Variants in ANO2 observed in about 807,000 individuals in gnomAD.
The protein encoded by ANO2 is anoctamin 2.
ANO2 carries 101 observed loss-of-function variants against 124.2 expected under a neutral mutation model. That is an observed-to-expected ratio of 0.81 (90% CI 0.69 to 0.96). The LOEUF is 0.96. Ranked by LOEUF, ANO2 falls within the 40% of genes least tolerant of loss-of-function variation. The pLI is 0.00. For missense variants in ANO2, 1,293 were observed against 1,274.5 expected, an observed-to-expected ratio of 1.01 and a Z score of -0.22; for synonymous variants, 486 against 482.5, an observed-to-expected ratio of 1.01 and a Z score of -0.09.
chr12:5,761,445 G>C (rs1951743063), intron 10 of ANO2, among the ~76,000 whole-genome samples: 1 of 152,026 alleles, frequency 6.6e-6, no homozygotes. Flanking sequence ...AAAAAAATTG[G>C]CCATCTAAGC....
chr12:5,677,955 A>G (rs1948326983), intron 14 of ANO2, among the ~76,000 whole-genome samples: 1 of 152,100 alleles, frequency 6.6e-6, no homozygotes, highest in Non-Finnish European at 1.5e-5. Context: ...GGTTGTGAAA[A>G]CAAACCTGCA....
chr12:5,905,654 G>A (rs1192346260), intron 3 of ANO2, among the ~76,000 whole-genome samples: 1 of 152,132 alleles, frequency 6.6e-6, no homozygotes, highest in Non-Finnish European at 1.5e-5. Context: ...TTTTTCTGAA[G>A]AGCCCATGAC....
chr12:5,754,648 T>C (rs1470485676), intron 10 of ANO2, among the ~76,000 whole-genome samples: 3 of 152,186 alleles, frequency 2.0e-5, no homozygotes, highest in African/African-American at 7.2e-5. Flanking sequence ...AGGCTTCCTA[T>C]TTATCCTTGA....
chr12:5,747,839 T>C (rs917636816), intron 11 of ANO2, among the ~76,000 whole-genome samples: 2 of 152,228 alleles, frequency 1.3e-5, no homozygotes, highest in Non-Finnish European at 2.9e-5. Context: ...CAGTGGTTGT[T>C]GTCATATCCA....
intron 14 of ANO2, among the ~76,000 whole-genome samples, chr12:5,698,780 C>T (rs1431437121): frequency 1.3e-4 from 20 of 152,130 alleles, no homozygotes; most frequent in Non-Finnish European, 2.2e-4. Context: ...AACCATGGCA[C>T]GAGAACTATG....
rs1446995754 is a variant in ANO2 at position 5,832,548 on chromosome 12, T to C, written c.689A>G (p.Gln230Arg). The change falls in exon 5 of 25, where the codon CAG (glutamine) becomes CGG (arginine). Residue 230 changes from glutamine to arginine, a missense_variant. Transcript: ENST00000682330. Reference protein sequence around the residue: ...SIAKKFSAALQKLSSHLQPRV... With the variant: ...SIAKKFSAALRKLSSHLQPRV... Reference sequence around the variant, plus strand: ...GGGCTGCAGGTGCGAGCTCAGCTTCTGCAGAGCCGCGCTGAACTTCTTTGC... The same window carrying C: ...GGGCTGCAGGTGCGAGCTCAGCTTCCGCAGAGCCGCGCTGAACTTCTTTGC... 6.2e-7 allele frequency: 1 copy of C among 1,613,890 alleles called. No individual in the cohort carries two copies. Among genetic ancestry groups the C allele is most frequent in the African/African-American group, 1.3e-5 (1 of 74,936 alleles).
intron 20 of ANO2, among the ~76,000 whole-genome samples, chr12:5,585,718 C>T (rs914782636): frequency 3.3e-5 from 5 of 152,200 alleles, no homozygotes; most frequent in Admixed American, 1.3e-4. Flanking sequence ...TCCCTCCATC[C>T]TCTCATTTGG....
intron 16 of ANO2, among the ~76,000 whole-genome samples, chr12:5,618,671 T>C (rs1261274877): frequency 6.6e-6 from 1 of 152,198 alleles, no homozygotes; most frequent in Non-Finnish European, 1.5e-5. Context: ...CCTCCCCACT[T>C]TCCACTCCCA....
chr12:5,595,125 CTCAT>C (rs1943593595), intron 20 of ANO2, among the ~76,000 whole-genome samples: 1 of 152,220 alleles, frequency 6.6e-6, no homozygotes, highest in African/African-American at 2.4e-5. Context: ...GAAACCTTTT[CTCAT>C]TAATTAGCGC....
intron 20 of ANO2, among the ~76,000 whole-genome samples, chr12:5,580,979 T>C (rs546601739): frequency 2.6e-5 from 4 of 152,274 alleles, no homozygotes; most frequent in African/African-American, 9.6e-5. Context: ...TGGAGGGTGG[T>C]GGAGAAATCC....
intron 15 of ANO2, among the ~76,000 whole-genome samples, chr12:5,638,003 T>G (rs10492183): frequency 6.6e-6 from 1 of 151,984 alleles, no homozygotes; most frequent in African/African-American, 2.4e-5. Flanking sequence ...CTCTTCTGGA[T>G]CATGGTAGAA....
intron 9 of ANO2, 88 bp downstream of exon 9, chr12:5,805,964 A>T: frequency 7.7e-7 from 1 of 1,306,262 alleles, no homozygotes. Context: ...GCAGGTAAAG[A>T]GAACATCTAA....
chr12:5,830,313 G>T, intron 6 of ANO2, 122 bp downstream of exon 6: 2 of 988,628 alleles, frequency 2.0e-6, no homozygotes, highest in Non-Finnish European at 3.0e-6. Context: ...CTTCTCTGTT[G>T]CTAGGCAACT....
intron 20 of ANO2, among the ~76,000 whole-genome samples, chr12:5,582,361 G>T (rs954286347): frequency 5.3e-5 from 8 of 152,172 alleles, no homozygotes; most frequent in Non-Finnish European, 1.2e-4. Context: ...AGCAGCCAAG[G>T]ATCTTCTAGA....
At chr12:5,788,047 C>T (rs1039046409) in intron 10 of ANO2, among the ~76,000 whole-genome samples, 4 of 152,194 alleles carry the variant, frequency 2.6e-5, no homozygotes, top group African/African-American at 9.7e-5. Flanking sequence ...CAATGGAATG[C>T]TAGCAAATGT....
Position 5,648,577 on chromosome 12 carries a change from G to A in ANO2, c.1546-776C>T, listed in dbSNP as rs147939436. Among the ~76,000 whole-genome samples, 1,124 of 152,308 alleles carry A rather than the reference G, an allele frequency of 7.4e-3. 49 individuals carry two copies. The highest frequency in any genetic ancestry group is 0.062 in the Admixed American group (955 of 15,306). On this transcript the variant is annotated intron_variant, in intron 14 of 24. Coordinates refer to ENST00000682330, the MANE Select transcript of ANO2 (RefSeq NM_001364791.2). Reference sequence around the variant, plus strand: ...GACCGTCATTTGGTGGGGGACAGGGGAGGGGCTGCCAACAGCTATGAATGG... The same window carrying A: ...GACCGTCATTTGGTGGGGGACAGGGAAGGGGCTGCCAACAGCTATGAATGG...
intron 14 of ANO2, among the ~76,000 whole-genome samples, chr12:5,705,213 T>G (rs1258307972): frequency 6.6e-6 from 1 of 152,142 alleles, no homozygotes; most frequent in Non-Finnish European, 1.5e-5. Flanking sequence ...TGTGGGTAGT[T>G]AACTTATAAA....
At chr12:5,761,272 CAT>C (rs1347493414) in intron 10 of ANO2, among the ~76,000 whole-genome samples, 3 of 151,946 alleles carry the variant, frequency 2.0e-5, no homozygotes, top group African/African-American at 7.3e-5. Context: ...TGTCTACACC[CAT>C]ATGAGACTAA....
chr12:5,628,694 G>GCA (rs1055394821), intron 16 of ANO2, among the ~76,000 whole-genome samples: 9 of 152,210 alleles, frequency 5.9e-5, no homozygotes, highest in Middle Eastern at 3.4e-3. Flanking sequence ...GTGTGCGCGC[G>GCA]CGCACGCGTG....
Sources: allele counts gnomAD v4.1 joint callset (sites outside exome capture counted in the v4.1 genomes callset), GRCh38; gene constraint gnomAD v4.1.1; transcripts MANE v1.5; gene names NCBI Gene and HGNC (gene_info 2026-07-23, HGNC 2026-07-21).